The following FAM222B variants were observed in gnomAD, a reference collection of about 807,000 sequenced individuals.
The protein encoded by FAM222B is family with sequence similarity 222 member B.
Under a neutral mutation model 38.0 loss-of-function variants are expected in FAM222B, and 12 were observed. That is an observed-to-expected ratio of 0.32 (90% CI 0.20 to 0.51). The LOEUF (loss-of-function observed/expected upper bound fraction) is 0.51. FAM222B is among the 20% of genes least tolerant of loss of function. FAM222B has a pLI of 0.97. For synonymous variants in FAM222B, 329 were observed against 317.2 expected, an observed-to-expected ratio of 1.04 and a Z score of -0.40; for missense variants, 716 against 754.2, an observed-to-expected ratio of 0.95 and a Z score of 0.59.
chr17:28,785,667 C>G (rs1250540735), intron 1 of FAM222B, among the ~76,000 whole-genome samples: 1 of 151,586 alleles, frequency 6.6e-6, no homozygotes. Context: ...TCCCAAGTAG[C>G]TGAGATTACA....
chr17:28,823,169 CA>C (rs892981940), intron 1 of FAM222B, among the ~76,000 whole-genome samples: 4 of 151,298 alleles, frequency 2.6e-5, no homozygotes, highest in African/African-American at 9.7e-5. Flanking sequence ...CAAACAAAAA[CA>C]AAAAAAATGA....
chr17:28,772,573 C>CAA (rs111471814), intron 1 of FAM222B, among the ~76,000 whole-genome samples: 2,599 of 92,980 alleles, frequency 0.028, 52 homozygotes, highest in Non-Finnish European at 0.047. Context: ...AAAAAAAATA[C>CAA]AAAAAAAAAA....
intron 1 of FAM222B, among the ~76,000 whole-genome samples, chr17:28,768,693 G>T (rs961333332): frequency 2.0e-5 from 3 of 151,880 alleles, no homozygotes; most frequent in Non-Finnish European, 4.4e-5. Flanking sequence ...AAAATTAGCT[G>T]GGCATGGTGG....
intron 1 of FAM222B, among the ~76,000 whole-genome samples, chr17:28,832,293 T>C (rs554203461): frequency 6.6e-6 from 1 of 152,376 alleles, no homozygotes; most frequent in East Asian, 1.9e-4. Context: ...AAAGTTTTAC[T>C]TGCACAGCTG....
intron 1 of FAM222B, among the ~76,000 whole-genome samples, chr17:28,832,013 C>A (rs958255275): frequency 1.3e-5 from 2 of 152,138 alleles, no homozygotes; most frequent in Middle Eastern, 3.4e-3. Context: ...CACGGTGAAA[C>A]CCCGTCTCAA....
At chr17:28,843,138 C>T (rs12946844), upstream of FAM222B, among the ~76,000 whole-genome samples, 302 of 80,276 alleles carry the variant, frequency 3.8e-3, 2 homozygotes, top group South Asian at 6.5e-3. Flanking sequence ...AAATTTGGGT[C>T]TTTTTTTTTT....
intron 1 of FAM222B, among the ~76,000 whole-genome samples, chr17:28,769,881 G>A (rs1281431181): frequency 2.0e-5 from 3 of 152,164 alleles, no homozygotes; most frequent in Non-Finnish European, 4.4e-5. Flanking sequence ...TGCCCCAGAT[G>A]TCTACTTATT....
At chr17:28,841,842 T>C (rs2039047779) in intron 1 of FAM222B, among the ~76,000 whole-genome samples, 1 of 152,222 alleles carries the variant, frequency 6.6e-6, no homozygotes, top group South Asian at 2.1e-4. Context: ...AGAAGTCTGA[T>C]GGCTAATTTA....
chr17:28,781,141 C>T (rs1015447557), intron 1 of FAM222B, among the ~76,000 whole-genome samples: 16 of 151,914 alleles, frequency 1.1e-4, no homozygotes, highest in African/African-American at 3.9e-4. Flanking sequence ...GTTAAAACCA[C>T]AATGAAATTA....
intron 1 of FAM222B, 121 bp downstream of exon 1, chr17:28,842,561 C>G (rs2039082536): frequency 6.6e-6 from 1 of 152,542 alleles, no homozygotes; most frequent in Non-Finnish European, 1.5e-5. Flanking sequence ...TCACCTCAAA[C>G]TGTACCTCCC....
intron 1 of FAM222B, among the ~76,000 whole-genome samples, chr17:28,817,977 T>A (rs1436620382): frequency 6.6e-6 from 1 of 152,196 alleles, no homozygotes; most frequent in Non-Finnish European, 1.5e-5. Flanking sequence ...TCTTTAAACT[T>A]CTATCTATGA....
intron 1 of FAM222B, chr17:28,812,303 CCG>C (rs2037812459): frequency 6.6e-6 from 1 of 152,424 alleles, no homozygotes; most frequent in Non-Finnish European, 1.5e-5. Flanking sequence ...CAGCTCACCC[CCG>C]CCCCGGGAGG....
chr17:28,758,536 A>G lies in FAM222B; in HGVS notation c.1423T>C (p.Phe475Leu). 2 of 1,610,676 alleles carry G rather than the reference A, an allele frequency of 1.2e-6. No individual in the cohort carries two copies. Among genetic ancestry groups the G allele is most frequent in the Non-Finnish European group, 1.7e-6 (2 of 1,179,800 alleles). Residue 475 changes from phenylalanine to leucine, a missense_variant, in exon 3 of 3, where the codon TTC becomes CTC. Transcript: ENST00000581407. Reference protein sequence around the residue: ...SSGSQDLAMPFHGGQPTGAPL... With the variant: ...SSGSQDLAMPLHGGQPTGAPL... ...GCACCTGTGGGCTGCCCACCGTGGA[A>G]CGGCATGGCAAGGTCCTGAGACCCC...
intron 1 of FAM222B, among the ~76,000 whole-genome samples, chr17:28,813,700 T>C (rs1442336939): frequency 1.4e-5 from 2 of 147,248 alleles, no homozygotes; most frequent in African/African-American, 5.1e-5. Context: ...CACGCCCAGC[T>C]AATTTTTTTT....
chr17:28,807,813 T>C (rs897529707), intron 1 of FAM222B, among the ~76,000 whole-genome samples: 10 of 152,168 alleles, frequency 6.6e-5, no homozygotes, highest in Non-Finnish European at 1.0e-4. Context: ...TGCTAACATA[T>C]AGAACAAAGT....
chr17:28,832,217 A>G (rs9893058), intron 1 of FAM222B, among the ~76,000 whole-genome samples: 7 of 152,098 alleles, frequency 4.6e-5, no homozygotes, highest in African/African-American at 1.7e-4. Flanking sequence ...AATAAAAAAT[A>G]ATAAAGAAAA....
At chr17:28,851,962 G>A (rs1179079373) in intron 1 of FAM222B, among the ~76,000 whole-genome samples, 2 of 151,862 alleles carry the variant, frequency 1.3e-5, no homozygotes, top group Non-Finnish European at 2.9e-5. Flanking sequence ...TAAAATGGGG[G>A]AATCACCTGA....
chr17:28,827,206 A>C (rs1169891763), intron 1 of FAM222B, among the ~76,000 whole-genome samples: 1 of 151,902 alleles, frequency 6.6e-6, no homozygotes, highest in Non-Finnish European at 1.5e-5. Context: ...AAAATTTTAA[A>C]AATTAACTTG....
chr17:28,847,738 C>A (rs1170025375), upstream of FAM222B, among the ~76,000 whole-genome samples: 1 of 151,762 alleles, frequency 6.6e-6, no homozygotes, highest in Non-Finnish European at 1.5e-5. Flanking sequence ...CATGGTGAAA[C>A]CCCGTCTCTA....
Sources: gnomAD v4.1 joint callset for allele counts (sites outside exome capture counted in the v4.1 genomes callset) on GRCh38, gnomAD v4.1.1 for gene constraint, MANE v1.5 for transcripts, NCBI Gene and HGNC (gene_info 2026-07-23, HGNC 2026-07-21) for gene names.